The following ZBTB38 variants were observed in gnomAD, a reference collection of about 807,000 sequenced individuals.
The protein encoded by ZBTB38 is zinc finger and BTB domain-containing protein 38.
A neutral mutation model predicts 76.8 loss-of-function variants in ZBTB38; 20 were observed. The ratio of observed to expected loss-of-function variants is 0.26; its 90% CI spans 0.18 to 0.38. The LOEUF (loss-of-function observed/expected upper bound fraction) is 0.38, where lower values mean the gene tolerates loss of function less well. Among genes scored for constraint, ZBTB38 ranks in the 10% least tolerant of loss-of-function variants. The pLI is 1.00. For missense variants in ZBTB38, 1,082 were observed against 1,482.3 expected (o/e 0.73, Z 4.43); for synonymous variants, 504 against 544.2 (o/e 0.93, Z 1.03).
intron 1 of ZBTB38, among the ~76,000 whole-genome samples, chr3:141,326,301 A>G (rs992790737): frequency 2.6e-5 from 4 of 152,198 alleles, no homozygotes; most frequent in Non-Finnish European, 5.9e-5. Flanking sequence ...TTTACATGAC[A>G]TTGAATTTCA....
At chr3:141,389,794 A>G (rs926153789) in intron 4 of ZBTB38, 3 of 152,350 alleles carry the variant, frequency 2.0e-5, no homozygotes, top group Middle Eastern at 6.8e-3. Flanking sequence ...ACAAGATTAG[A>G]TGGATGCAAT....
chr3:141,349,837 T>C (rs987648254), intron 1 of ZBTB38, among the ~76,000 whole-genome samples: 16 of 152,108 alleles, frequency 1.1e-4, no homozygotes, highest in Non-Finnish European at 2.2e-4. Flanking sequence ...AAACCCCCAG[T>C]TGGCACCCCT....
intron 1 of ZBTB38, among the ~76,000 whole-genome samples, chr3:141,352,966 G>T (rs537461829): frequency 6.6e-6 from 1 of 152,076 alleles, no homozygotes; most frequent in Non-Finnish European, 1.5e-5. Context: ...GTACTAGTTT[G>T]CATGCCAAAC....
Position 141,446,980 on chromosome 3 carries a change from A to T in ZBTB38, c.*1004A>T, listed in dbSNP as rs1031412602. 6.5e-6 allele frequency: 1 copy of T among 152,680 alleles called. No homozygotes were observed. The highest frequency in any genetic ancestry group is 1.5e-5 in the Non-Finnish European group (1 of 68,068). 9.5% of individuals were successfully genotyped at this position (152,680 alleles called of 1,614,324 possible). ...GGATGTGGGGGTCTATTCCAGACAG[A>T]CTTAAGGGCTCAAGTGGAACCTGCC... On this transcript the variant is annotated 3_prime_UTR_variant, in exon 6 of 6. Coordinates refer to ENST00000321464, the MANE Select transcript of ZBTB38 (RefSeq NM_001376113.1).
intron 1 of ZBTB38, among the ~76,000 whole-genome samples, chr3:141,328,740 GA>G (rs912669750): frequency 2.0e-5 from 3 of 152,090 alleles, no homozygotes; most frequent in Admixed American, 1.3e-4. Context: ...GTCACCCCTG[GA>G]ATGCAGCCAG....
At chr3:141,331,145 T>A (rs2148880744) in intron 1 of ZBTB38, among the ~76,000 whole-genome samples, 1 of 152,322 alleles carries the variant, frequency 6.6e-6, no homozygotes, top group Admixed American at 6.5e-5. Flanking sequence ...CAATTCCAAC[T>A]CCATCTCATG....
In ZBTB38 at chr3:141,442,700, C is replaced by A; in HGVS notation, c.312C>A (p.Val104=). Residue 104 remains valine (V), a synonymous_variant, in exon 6 of 6, where the codon GTC becomes GTA. Coordinates refer to ENST00000321464, the MANE Select transcript of ZBTB38 (RefSeq NM_001376113.1). This position sits in a 1 kb window ranked among gnomAD's most constrained non-coding sequence, Gnocchi z 6.4. The part of the protein sequence containing the change: ...STVVVKRQET[V]TDLAAAGKKL... Reference sequence around the variant, plus strand: ...TCGTTGTCAAGAGACAGGAAACAGTCACTGATCTCGCAGCTGCAGGAAAAA... The same window carrying A: ...TCGTTGTCAAGAGACAGGAAACAGTAACTGATCTCGCAGCTGCAGGAAAAA... 1 of 1,614,182 alleles carries A rather than the reference C, an allele frequency of 6.2e-7. No homozygotes were observed. The highest frequency in any genetic ancestry group is 1.1e-5 in the South Asian group (1 of 91,066).
chr3:141,443,785 A>G lies in ZBTB38; in HGVS notation c.1397A>G (p.Lys466Arg), dbSNP rs200951296. The change falls in exon 6 of 6, where the codon AAA becomes AGA. Residue 466 changes from lysine to arginine, a missense_variant. Lys to Arg is a conservative substitution (Grantham distance 26, BLOSUM62 2). Around this residue, in one of 8 missense-constraint regions of ZBTB38, gnomAD observed 60 missense variants for 126.0 expected, o/e 0.48. Coordinates refer to ENST00000321464, the MANE Select transcript of ZBTB38 (RefSeq NM_001376113.1). This position sits in a 1 kb window ranked among gnomAD's most constrained non-coding sequence, Gnocchi z 5.6. The part of the protein sequence containing the change: ...GQMLYSCVVC[K>R]RSYVTLSSLR... ...ATGCTCTACAGTTGCGTTGTGTGCA[A>G]ACGTAGTTATGTGACCTTATCTAGC... 6.8e-6 allele frequency: 11 copies of G among 1,613,830 alleles called. No individual in the cohort carries two copies. The East Asian group carries it at 1.6e-4, about 23-fold the overall frequency.
intron 5 of ZBTB38, among the ~76,000 whole-genome samples, chr3:141,411,306 T>C (rs758729546): frequency 1.3e-5 from 2 of 152,204 alleles, no homozygotes; most frequent in Non-Finnish European, 2.9e-5. Context: ...GAGGATTTCC[T>C]TTTTGAAAAA....
At chr3:141,429,794 G>A (rs577619310) in intron 5 of ZBTB38, among the ~76,000 whole-genome samples, 1 of 152,340 alleles carries the variant, frequency 6.6e-6, no homozygotes, top group East Asian at 1.9e-4. Context: ...CCAGCCATGG[G>A]CAGTGCCGGA....
chr3:141,438,688 C>T (rs116692286), intron 5 of ZBTB38, among the ~76,000 whole-genome samples: 2,477 of 152,196 alleles, frequency 0.016, 59 homozygotes, highest in African/African-American at 0.056. Flanking sequence ...CTGCAGGCTG[C>T]GTGATTTTTT....
At chr3:141,367,324 A>G (rs1232403937), upstream of ZBTB38, 1 of 152,284 alleles carries the variant, frequency 6.6e-6, no homozygotes, top group African/African-American at 2.4e-5. Context: ...GCTTGCGTCC[A>G]TCCGACCTCC....
chr3:141,417,288 C>G (rs1331727840), intron 5 of ZBTB38, among the ~76,000 whole-genome samples: 1 of 152,184 alleles, frequency 6.6e-6, no homozygotes, highest in Non-Finnish European at 1.5e-5. Flanking sequence ...TGAATCTTCA[C>G]CCCAGCTCCC....
intron 5 of ZBTB38, among the ~76,000 whole-genome samples, chr3:141,418,626 A>G (rs985785514): frequency 6.6e-5 from 10 of 152,212 alleles, no homozygotes; most frequent in Non-Finnish European, 1.0e-4. Flanking sequence ...TGTTTCTTAG[A>G]ATTATTGTAC....
chr3:141,408,583 T>G (rs2149768292), intron 5 of ZBTB38, among the ~76,000 whole-genome samples: 1 of 152,276 alleles, frequency 6.6e-6, no homozygotes, highest in African/African-American at 2.4e-5. Context: ...CATTTTTTTC[T>G]TCCTAATTCT....
At chr3:141,354,077 G>T (rs1943593009) in intron 1 of ZBTB38, among the ~76,000 whole-genome samples, 1 of 152,142 alleles carries the variant, frequency 6.6e-6, no homozygotes, top group South Asian at 2.1e-4. Flanking sequence ...TACAAATAGT[G>T]TGGATTAAGT....
chr3:141,444,245 A>G lies in ZBTB38; in HGVS notation c.1857A>G (p.Gln619=), dbSNP rs184821061. The G allele has an allele frequency of 5.6e-6, 9 of 1,614,214 alleles. No individual in the cohort carries two copies. The Admixed American group carries it at 1.0e-4, about 18-fold the overall frequency. Reference sequence around the variant, plus strand: ...CTGAATTACCAACGCTGAATTTCCAAGATACTGTAAACACCCTGACCAACA... The same window carrying G: ...CTGAATTACCAACGCTGAATTTCCAGGATACTGTAAACACCCTGACCAACA... ...HSSELPTLNF[Q]DTVNTLTNSP... Residue 619 remains glutamine (Q), a synonymous_variant, in exon 6 of 6, where the codon CAA becomes CAG. Transcript: ENST00000321464. The surrounding 1 kb of genome is among the most constrained non-coding windows in gnomAD (Gnocchi z 5.1).
upstream of ZBTB38, among the ~76,000 whole-genome samples, chr3:141,365,487 C>T (rs1943939586): frequency 6.6e-6 from 1 of 152,198 alleles, no homozygotes. Context: ...ACAAGTCTCT[C>T]TCTTGTGATA....
chr3:141,379,041 A>G lies in ZBTB38; in HGVS notation c.-234-2384A>G, dbSNP rs1159519335. ...CCCTTCTTTGCCCCCTTTCAATCTC[A>G]TTCAGCTGAGGGCTTTCTTTTAACA... On this transcript the variant is annotated intron_variant, in intron 2 of 5. Coordinates refer to ENST00000321464, the MANE Select transcript of ZBTB38 (RefSeq NM_001376113.1). 2.0e-5 allele frequency among the ~76,000 whole-genome samples: 3 copies of G among 152,078 alleles called. No individual in the cohort carries two copies. The East Asian group carries it at 5.8e-4, about 29-fold the overall frequency.
Sources: gnomAD v4.1 joint callset for allele counts (sites outside exome capture counted in the v4.1 genomes callset) on GRCh38, gnomAD v4.1.1 for gene constraint, gnomAD v4.1.1 regional missense constraint, Gnocchi (gnomAD v3.1) non-coding constraint, MANE v1.5 for transcripts, NCBI Gene and HGNC (gene_info 2026-07-23, HGNC 2026-07-21) for gene names.